Variants in EFEMP1 observed in about 807,000 individuals in gnomAD.
EFEMP1 encodes the protein EGF-like fibulin extracellular matrix protein 1.
Under a neutral mutation model 65.7 loss-of-function variants are expected in EFEMP1, and 18 were observed. The ratio of observed to expected loss-of-function variants is 0.27; its 90% CI spans 0.19 to 0.41. The LOEUF (loss-of-function observed/expected upper bound fraction) is 0.41, where lower values mean the gene tolerates loss of function less well. Among genes scored for constraint, EFEMP1 ranks in the 10% least tolerant of loss-of-function variants. The pLI, the probability that EFEMP1 is intolerant of heterozygous loss-of-function variation, is 1.00. For missense variants in EFEMP1, 469 were observed against 624.8 expected (o/e 0.75, Z 2.66); for synonymous variants, 237 against 219.7 (o/e 1.08, Z -0.70).
chr2:55,897,407 C>T lies in EFEMP1; in HGVS notation c.518-15673G>A, dbSNP rs1399091879. 2.6e-5 allele frequency among the ~76,000 whole-genome samples: 4 copies of T among 151,836 alleles called. No homozygotes were observed. The East Asian group carries it at 7.7e-4, about 29-fold the overall frequency. ...TCTGATAGAAAATAAAAAGTAAATT[C>T]CAGATAATGAACACATCATCTCCAG... On this transcript the variant is annotated intron_variant, in intron 5 of 11. Coordinates refer to ENST00000355426, the MANE Select transcript of EFEMP1 (RefSeq NM_001039348.3).
chr2:55,922,143 G>A lies in EFEMP1; in HGVS notation c.81+217C>T, dbSNP rs866595323. ...TTTAGCCCTGCACAAATGATTACAT[G>A]TTGGTTCCTATCTTAGGTGGTGAGC... On this transcript the variant is annotated intron_variant, in intron 3 of 11. Transcript: ENST00000355426. This position sits in a 1 kb window ranked among gnomAD's most constrained non-coding sequence, Gnocchi z 5.5. 23 of 526,744 alleles carry A rather than the reference G, an allele frequency of 4.4e-5. No homozygotes were observed. The Middle Eastern group carries it at 2.3e-3, about 52-fold the overall frequency. 32.6% of individuals were successfully genotyped at this position (526,744 alleles called of 1,614,324 possible). A position where few individuals can be genotyped will look rare whatever the true frequency, so the allele number is the denominator to read the frequency against.
intron 5 of EFEMP1, among the ~76,000 whole-genome samples, chr2:55,913,145 G>C (rs937448833): frequency 6.6e-6 from 1 of 152,096 alleles, no homozygotes; most frequent in African/African-American, 2.4e-5. Flanking sequence ...CTAACGTTAG[G>C]ACTTCTTCAC....
intron 5 of EFEMP1, among the ~76,000 whole-genome samples, chr2:55,912,902 A>ATG: frequency 6.6e-6 from 1 of 152,252 alleles, no homozygotes; most frequent in East Asian, 1.9e-4. Context: ...TATGACACAT[A>ATG]TGACACATAA....
At position 55,873,312 on chromosome 2, in the gene EFEMP1, A is replaced by G. The variant is rs1668894401; in HGVS notation, c.1000+1634T>C. The stretch of plus-strand genomic sequence containing the variant: ...CACAAAAAATGTTTTGGCTTAACCA[A>G]ACATTCTGAAGCTGCATATCTTCAA... On this transcript the variant is annotated intron_variant, in intron 9 of 11. Transcript: ENST00000355426. This position sits in a 1 kb window ranked among gnomAD's most constrained non-coding sequence, Gnocchi z 4.6. Among the ~76,000 whole-genome samples, 1 of 152,116 alleles carries G rather than the reference A, an allele frequency of 6.6e-6. No individual in the cohort carries two copies. Among genetic ancestry groups the G allele is most frequent in the Non-Finnish European group, 1.5e-5 (1 of 67,970 alleles).
Position 55,919,305 on chromosome 2 carries a change from A to T in EFEMP1, c.82-1038T>A, listed in dbSNP as rs1176881684. Among the ~76,000 whole-genome samples the T allele has an allele frequency of 6.6e-6, 1 of 152,184 alleles. No homozygotes were observed. Among genetic ancestry groups the T allele is most frequent in the Non-Finnish European group, 1.5e-5 (1 of 68,034 alleles). On this transcript the variant is annotated intron_variant, in intron 3 of 11. Transcript: ENST00000355426. This position sits in a 1 kb window ranked among gnomAD's most constrained non-coding sequence, Gnocchi z 4.5. ...CTACCCTGAAGGTCAGTGAATCTCAAGCTTTATTGTGTCTAAGGATCATTC... is the reference window on the plus strand; with the variant it reads ...CTACCCTGAAGGTCAGTGAATCTCATGCTTTATTGTGTCTAAGGATCATTC...
chr2:55,870,692 T>A lies in EFEMP1; in HGVS notation c.1320+28A>T, dbSNP rs200624494. The stretch of plus-strand genomic sequence containing the variant: ...AACAACAAACTCCCATCTTTCTCAA[T>A]AGTTAAGGCTGCCTTCAGGATACTT... On this transcript the variant is annotated intron_variant, in intron 11 of 11. Transcript: ENST00000355426. This position sits in a 1 kb window ranked among gnomAD's most constrained non-coding sequence, Gnocchi z 5.8. 8.1e-6 allele frequency: 13 copies of A among 1,611,886 alleles called. No homozygotes were observed. In the Admixed American group the frequency reaches 1.2e-4, roughly 14 times the overall value.
rs1210290189 is a variant in EFEMP1 at position 55,886,416 on chromosome 2, C to G, written c.518-4682G>C. Among the ~76,000 whole-genome samples the G allele has an allele frequency of 6.6e-6, 1 of 152,142 alleles. No homozygotes were observed. The highest frequency in any genetic ancestry group is 1.5e-5 in the Non-Finnish European group (1 of 68,012). On this transcript the variant is annotated intron_variant, in intron 5 of 11. Transcript: ENST00000355426. This position sits in a 1 kb window ranked among gnomAD's most constrained non-coding sequence, Gnocchi z 4.0. ...TTATTTAATGGTGCTATCCTGTGAA[C>G]TCTTGTGGTTAAAGAAAAGATAGTG...
intron 5 of EFEMP1, among the ~76,000 whole-genome samples, chr2:55,902,714 C>A (rs1291001308): frequency 6.6e-6 from 1 of 152,178 alleles, no homozygotes; most frequent in Non-Finnish European, 1.5e-5. Context: ...GTGATTAGAA[C>A]CAGCTGGTTT....
At chr2:55,894,032 G>T (rs1213818549) in intron 5 of EFEMP1, among the ~76,000 whole-genome samples, 1 of 152,070 alleles carries the variant, frequency 6.6e-6, no homozygotes, top group Non-Finnish European at 1.5e-5. Context: ...AACAAATCTA[G>T]TATCTTCTGC....
In EFEMP1 at chr2:55,883,258, T is replaced by G. The variant is rs1669311455; in HGVS notation, c.518-1524A>C. Reference sequence around the variant, plus strand: ...AGGTTTTTGTTATTTTGTTTTGTTTTGAAATTTATTATAATTACTACTAGT... The same window carrying G: ...AGGTTTTTGTTATTTTGTTTTGTTTGGAAATTTATTATAATTACTACTAGT... On this transcript the variant is annotated intron_variant, in intron 5 of 11. Transcript: ENST00000355426. The surrounding 1 kb of genome is among the most constrained non-coding windows in gnomAD (Gnocchi z 4.5). 1.3e-5 allele frequency among the ~76,000 whole-genome samples: 2 copies of G among 152,222 alleles called. No individual in the cohort carries two copies. The highest frequency in any genetic ancestry group is 2.1e-4 in the South Asian group (1 of 4,830).
Position 55,873,066 on chromosome 2 carries a change from C to CCACACA in EFEMP1, c.1000+1874_1000+1879dup, listed in dbSNP as rs58841515. 0.12 allele frequency among the ~76,000 whole-genome samples: 17,505 copies of CCACACA among 145,216 alleles called. 1,435 individuals are homozygous for CCACACA. Among genetic ancestry groups the CCACACA allele is most frequent in the African/African-American group, 0.23 (8,897 of 39,314 alleles). ...TTCTTTTGTCTCTCTGTCTCTCTCT[C>CCACACA]CACACACACACACACACACACACAC... On this transcript the variant is annotated intron_variant, in intron 9 of 11. Coordinates refer to ENST00000355426, the MANE Select transcript of EFEMP1 (RefSeq NM_001039348.3). The surrounding 1 kb of genome is among the most constrained non-coding windows in gnomAD (Gnocchi z 4.6).
In EFEMP1 at chr2:55,919,645, C is replaced by T. The variant is rs534540102; in HGVS notation, c.82-1378G>A. On this transcript the variant is annotated intron_variant, in intron 3 of 11. Coordinates refer to ENST00000355426, the MANE Select transcript of EFEMP1 (RefSeq NM_001039348.3). The surrounding 1 kb of genome is among the most constrained non-coding windows in gnomAD (Gnocchi z 4.5). Reference sequence around the variant, plus strand: ...ATTCTTTTAATATAACTGAGAGCTGCTTATGTACACAATGGATGCTTGACA... The same window carrying T: ...ATTCTTTTAATATAACTGAGAGCTGTTTATGTACACAATGGATGCTTGACA... 2.6e-4 allele frequency among the ~76,000 whole-genome samples: 40 copies of T among 152,296 alleles called. No homozygotes were observed. The highest frequency in any genetic ancestry group is 7.7e-4 in the African/African-American group (32 of 41,562).
Position 55,922,129 on chromosome 2 carries a change from A to G in EFEMP1, c.81+231T>C, listed in dbSNP as rs373478760. The G allele has an allele frequency of 6.0e-6, 3 of 498,892 alleles. No individual in the cohort carries two copies. The highest frequency in any genetic ancestry group is 5.4e-4 in the Middle Eastern group (1 of 1,850). The allele number at this position is 498,892 out of a possible 1,614,324, so 30.9% of individuals were successfully genotyped here. ...GAACGGATCCCATTTTTAGCCCTGC[A>G]CAAATGATTACATGTTGGTTCCTAT... On this transcript the variant is annotated intron_variant, in intron 3 of 11. Coordinates refer to ENST00000355426, the MANE Select transcript of EFEMP1 (RefSeq NM_001039348.3). This position sits in a 1 kb window ranked among gnomAD's most constrained non-coding sequence, Gnocchi z 5.5.
chr2:55,892,750 C>T (rs147753246), intron 5 of EFEMP1, among the ~76,000 whole-genome samples: 69 of 152,094 alleles, frequency 4.5e-4, no homozygotes, highest in African/African-American at 1.7e-3. Flanking sequence ...CAGGTAGACC[C>T]AAGCCAGTTA....
chr2:55,892,571 AG>A (rs1438896882), intron 5 of EFEMP1, among the ~76,000 whole-genome samples: 6 of 137,712 alleles, frequency 4.4e-5, no homozygotes, highest in Non-Finnish European at 4.5e-5. Flanking sequence ...TGGGATGAAT[AG>A]AAAGTTCTCT....
In EFEMP1 at chr2:55,873,558, G is replaced by C. The variant is rs911806761; in HGVS notation, c.1000+1388C>G. Among the ~76,000 whole-genome samples the C allele has an allele frequency of 3.9e-5, 6 of 152,160 alleles. No homozygotes were observed. Among genetic ancestry groups the C allele is most frequent in the African/African-American group, 1.2e-4 (5 of 41,538 alleles). ...AGAAATTTGTTAAGACATTCCACTA[G>C]CTAACATTTTCTTGCATGTAATATG... On this transcript the variant is annotated intron_variant, in intron 9 of 11. Coordinates refer to ENST00000355426, the MANE Select transcript of EFEMP1 (RefSeq NM_001039348.3). The surrounding 1 kb of genome is among the most constrained non-coding windows in gnomAD (Gnocchi z 4.6).
In EFEMP1 at chr2:55,886,055, T is replaced by A. The variant is rs1289464631; in HGVS notation, c.518-4321A>T. On this transcript the variant is annotated intron_variant, in intron 5 of 11. Coordinates refer to ENST00000355426, the MANE Select transcript of EFEMP1 (RefSeq NM_001039348.3). The surrounding 1 kb of genome is among the most constrained non-coding windows in gnomAD (Gnocchi z 4.0). ...TTGAGTACCATTTAGACTTTTATAA[T>A]TTGTGCTGCTTTTGGTTTAAGAAAT... is the stretch of plus-strand genomic sequence containing the variant. 4.6e-5 allele frequency among the ~76,000 whole-genome samples: 7 copies of A among 152,204 alleles called. No homozygotes were observed. The South Asian group carries it at 1.4e-3, about 31-fold the overall frequency.
intron 5 of EFEMP1, among the ~76,000 whole-genome samples, chr2:55,911,132 T>C (rs1670466237): frequency 6.6e-6 from 1 of 152,214 alleles, no homozygotes; most frequent in South Asian, 2.1e-4. Context: ...CCTGTTTTCT[T>C]GTTAATATGT....
Position 55,903,295 on chromosome 2 carries a change from C to T in EFEMP1, c.517+14370G>A, listed in dbSNP as rs560236414. On this transcript the variant is annotated intron_variant, in intron 5 of 11. Transcript: ENST00000355426. ...TACAATGTAATTTGTATTGGAGAAACAGTATCTAACCAAAGGAGAAAAATG... is the reference window on the plus strand; with the variant it reads ...TACAATGTAATTTGTATTGGAGAAATAGTATCTAACCAAAGGAGAAAAATG... 2.9e-4 allele frequency among the ~76,000 whole-genome samples: 44 copies of T among 152,286 alleles called. 1 individual carries two copies. Among genetic ancestry groups the T allele is most frequent in the African/African-American group, 1.1e-3 (44 of 41,560 alleles).
Sources: allele counts gnomAD v4.1 joint callset (sites outside exome capture counted in the v4.1 genomes callset), GRCh38; gene constraint gnomAD v4.1.1; non-coding constraint Gnocchi (gnomAD v3.1); transcripts MANE v1.5; gene names NCBI Gene and HGNC (gene_info 2026-07-23, HGNC 2026-07-21).